The following C1QTNF2 variants were observed in gnomAD, a reference collection of about 807,000 sequenced individuals.
C1QTNF2 encodes C1q and TNF related 2, also known as complement C1q tumor necrosis factor-related protein 2.
Under a neutral mutation model 17.4 loss-of-function variants are expected in C1QTNF2, and 15 were observed. The ratio of observed to expected loss-of-function variants is 0.86; its 90% CI spans 0.58 to 1.33. The LOEUF is 1.33. C1QTNF2 is among the 40% of genes most tolerant of loss of function. The pLI, the probability that C1QTNF2 is intolerant of heterozygous loss-of-function variation, is 0.00. For synonymous variants in C1QTNF2, 154 were observed against 163.3 expected (o/e 0.94, Z 0.44); for missense variants, 381 against 392.3 (o/e 0.97, Z 0.24).
chr5:160,368,447 G>A (rs1434887497), intron 1 of C1QTNF2, among the ~76,000 whole-genome samples: 2 of 151,156 alleles, frequency 1.3e-5, no homozygotes, highest in Admixed American at 6.6e-5. Flanking sequence ...CAGAAGAATT[G>A]CTTGAACCCA....
rs12055141 is a variant in C1QTNF2 at position 160,369,727 on chromosome 5, A to T, written c.-10+785T>A. Among the ~76,000 whole-genome samples, 78 of 152,316 alleles carry T rather than the reference A, an allele frequency of 5.1e-4. 1 individual carries two copies. The East Asian group carries it at 0.014, about 28-fold the overall frequency. On this transcript the variant is annotated intron_variant, in intron 1 of 2. Transcript: ENST00000652664. ...GAGCAGAGGAGGATCACAATGAGGT[A>T]ATGCAAGGGACTCATGGTGTCAGAG...
rs1763994534 is a variant in C1QTNF2 at position 160,354,596 on chromosome 5, A to ATATATCT, written c.244+171_244+172insAGATATA. Among the ~76,000 whole-genome samples the ATATATCT allele has an allele frequency of 4.8e-4, 24 of 49,920 alleles. 2 individuals carry two copies. Among genetic ancestry groups the ATATATCT allele is most frequent in the African/African-American group, 2.0e-3 (22 of 11,140 alleles). The allele number at this position is 49,920 out of a possible 152,430, so 32.7% of individuals were successfully genotyped here. A position where few individuals can be genotyped will look rare whatever the true frequency, so the allele number is the denominator to read the frequency against. ...TCTGTCTCAAGGGGAAAAAAAAAAAAAGTATATATATATATATATATATAT... is the reference window on the plus strand; with the variant it reads ...TCTGTCTCAAGGGGAAAAAAAAAAAATATATCTAGTATATATATATATATATATATAT... On this transcript the variant is annotated intron_variant, in intron 2 of 2. Coordinates refer to ENST00000652664, the MANE Select transcript of C1QTNF2 (RefSeq NM_031908.6).
At chr5:160,356,559 T>C (rs1764055405) in intron 1 of C1QTNF2, among the ~76,000 whole-genome samples, 1 of 152,240 alleles carries the variant, frequency 6.6e-6, no homozygotes, top group Non-Finnish European at 1.5e-5. Context: ...CTCTAGGGTC[T>C]CTTCTAGCTC....
At chr5:160,366,187 G>A (rs750099468) in intron 1 of C1QTNF2, among the ~76,000 whole-genome samples, 16 of 152,148 alleles carry the variant, frequency 1.1e-4, no homozygotes, top group Admixed American at 2.0e-4. Flanking sequence ...TCTCACTTAT[G>A]AGTGAGAACA....
Position 160,349,259 on chromosome 5 carries a change from T to G in C1QTNF2, c.767A>C (p.Gln256Pro), listed in dbSNP as rs1230167331. 2 of 1,614,190 alleles carry G rather than the reference T, an allele frequency of 1.2e-6. No homozygotes were observed. Among genetic ancestry groups the G allele is most frequent in the Non-Finnish European group, 1.7e-6 (2 of 1,180,032 alleles). The change falls in exon 3 of 3, where the codon CAG becomes CCG. Residue 256 changes from glutamine (Q) to proline (P), a missense_variant. Transcript: ENST00000652664. The surrounding 1 kb of genome is among the most constrained non-coding windows in gnomAD (Gnocchi z 4.3). ...EVWLQIFYSE[Q>P]NGLFYDPYWT... ...GTAAGGGTCATAGAAGAGCCCGTTC[T>G]GCTCTGAGTAGAAGATCTGCAGCCA...
At chr5:160,365,105 T>C (rs923038061) in intron 1 of C1QTNF2, among the ~76,000 whole-genome samples, 2 of 152,172 alleles carry the variant, frequency 1.3e-5, no homozygotes, top group African/African-American at 4.8e-5. Flanking sequence ...GGCACACCTG[T>C]GTAACCGGGA....
At chr5:160,361,655 T>G (rs890891006) in intron 1 of C1QTNF2, among the ~76,000 whole-genome samples, 1 of 152,188 alleles carries the variant, frequency 6.6e-6, no homozygotes, top group African/African-American at 2.4e-5. Context: ...TCAAAGATTC[T>G]ATTTAGCCCA....
intron 1 of C1QTNF2, among the ~76,000 whole-genome samples, chr5:160,356,438 T>C (rs1449539978): frequency 6.6e-6 from 1 of 152,232 alleles, no homozygotes; most frequent in Admixed American, 6.5e-5. Context: ...AAGTTTCTGA[T>C]TCATTAGTTC....
chr5:160,352,024 C>T (rs1282262391), intron 2 of C1QTNF2, among the ~76,000 whole-genome samples: 27 of 151,884 alleles, frequency 1.8e-4, no homozygotes, highest in Admixed American at 1.8e-3. Flanking sequence ...AATCTTCCTG[C>T]CTCAGCCTCC....
intron 2 of C1QTNF2, among the ~76,000 whole-genome samples, chr5:160,351,082 C>T (rs1026249108): frequency 1.3e-5 from 2 of 152,206 alleles, no homozygotes; most frequent in Non-Finnish European, 2.9e-5. Context: ...CCCATTTAAA[C>T]GCATAGAAGA....
chr5:160,361,334 G>A (rs909719475), intron 1 of C1QTNF2, among the ~76,000 whole-genome samples: 1 of 152,198 alleles, frequency 6.6e-6, no homozygotes, highest in Non-Finnish European at 1.5e-5. Flanking sequence ...AAGTGGGGAC[G>A]TGGGCCTCTC....
intron 1 of C1QTNF2, among the ~76,000 whole-genome samples, chr5:160,368,404 C>T (rs892555119): frequency 4.6e-5 from 7 of 151,696 alleles, no homozygotes; most frequent in East Asian, 1.9e-4. Flanking sequence ...AGGTGGTGTG[C>T]GCCTGTAGTC....
At chr5:160,350,957 A>G (rs1763908500) in intron 2 of C1QTNF2, among the ~76,000 whole-genome samples, 1 of 152,118 alleles carries the variant, frequency 6.6e-6, no homozygotes, top group African/African-American at 2.4e-5. Context: ...TCACCGTGTT[A>G]GCCAGGATGG....
rs936935636 is a variant in C1QTNF2 at position 160,348,637 on chromosome 5, A to T, written c.*531T>A. The T allele has an allele frequency of 6.5e-6, 1 of 153,634 alleles. No homozygotes were observed. Among genetic ancestry groups the T allele is most frequent in the African/African-American group, 2.4e-5 (1 of 41,462 alleles). The allele number at this position is 153,634 out of a possible 1,614,324, so 9.5% of individuals were successfully genotyped here. On this transcript the variant is annotated 3_prime_UTR_variant, in exon 3 of 3. Transcript: ENST00000652664. Reference sequence around the variant, plus strand: ...TTGGAAATAGCTTGTTCTTTGATCTACATGGAGGTTTCAGAGTGTGCACAT... The same window carrying T: ...TTGGAAATAGCTTGTTCTTTGATCTTCATGGAGGTTTCAGAGTGTGCACAT...
At chr5:160,353,771 C>A (rs1244795362) in intron 2 of C1QTNF2, among the ~76,000 whole-genome samples, 3 of 135,214 alleles carry the variant, frequency 2.2e-5, no homozygotes, top group African/African-American at 8.2e-5. Flanking sequence ...TGGAGCTTGG[C>A]TCTTGGACTT....
At chr5:160,354,597 AGTAT>A (rs1160592120) in intron 2 of C1QTNF2, among the ~76,000 whole-genome samples, 167 bp downstream of exon 2, 24 of 89,272 alleles carry the variant, frequency 2.7e-4, no homozygotes, top group South Asian at 1.3e-3. Flanking sequence ...AAAAAAAAAA[AGTAT>A]ATATATATAT....
At chr5:160,350,216 G>A (rs962292061) in intron 2 of C1QTNF2, among the ~76,000 whole-genome samples, 5 of 152,104 alleles carry the variant, frequency 3.3e-5, no homozygotes, top group African/African-American at 9.7e-5. Flanking sequence ...TTTTATTGCA[G>A]CATTGCTTAT....
At chr5:160,359,138 C>T (rs1233146368) in intron 1 of C1QTNF2, among the ~76,000 whole-genome samples, 3 of 152,052 alleles carry the variant, frequency 2.0e-5, no homozygotes, top group South Asian at 4.1e-4. Flanking sequence ...CCCTTATTGT[C>T]CCATTTTTTT....
chr5:160,350,812 G>A (rs953185313), intron 2 of C1QTNF2, among the ~76,000 whole-genome samples: 1 of 150,284 alleles, frequency 6.7e-6, no homozygotes, highest in Admixed American at 6.6e-5. Context: ...GCACAGTGGC[G>A]CGATCTCCGC....
Sources: gnomAD v4.1 joint callset for allele counts (sites outside exome capture counted in the v4.1 genomes callset) on GRCh38, gnomAD v4.1.1 for gene constraint, Gnocchi (gnomAD v3.1) non-coding constraint, MANE v1.5 for transcripts, NCBI Gene and HGNC (gene_info 2026-07-23, HGNC 2026-07-21) for gene names.